GALNTL6: variants seen among roughly 807,000 people sequenced by gnomAD.
GALNTL6 encodes polypeptide N-acetylgalactosaminyltransferase-like 6.
A neutral mutation model predicts 73.7 loss-of-function variants in GALNTL6; 46 were observed. That is an observed-to-expected ratio of 0.62 (90% CI 0.49 to 0.80). GALNTL6 has a LOEUF of 0.80. Ranked by LOEUF, GALNTL6 falls within the 30% of genes least tolerant of loss-of-function variation. GALNTL6 has a pLI of 0.00. For synonymous variants in GALNTL6, 259 were observed against 263.7 expected (o/e 0.98, Z 0.17); for missense variants, 604 against 755.0 (o/e 0.80, Z 2.34).
intron 5 of GALNTL6, among the ~76,000 whole-genome samples, chr4:172,757,132 A>T (rs1171237159): frequency 1.3e-5 from 2 of 152,230 alleles, no homozygotes; most frequent in Non-Finnish European, 2.9e-5. Context: ...TTGATTAAGC[A>T]TCTGGTGTAT....
intron 2 of GALNTL6, among the ~76,000 whole-genome samples, chr4:172,106,967 G>T (rs540871988): frequency 2.6e-4 from 39 of 152,272 alleles, no homozygotes; most frequent in Non-Finnish European, 4.9e-4. Context: ...TTTGCCTCCC[G>T]GGTTCAAGCG....
intron 9 of GALNTL6, among the ~76,000 whole-genome samples, chr4:172,939,089 A>C (rs1748778483): frequency 1.3e-5 from 2 of 152,196 alleles, no homozygotes; most frequent in Non-Finnish European, 2.9e-5. Context: ...GGATCACTTG[A>C]GAACAGGCTG....
intron 5 of GALNTL6, among the ~76,000 whole-genome samples, chr4:172,737,248 G>T (rs1736526268): frequency 6.6e-6 from 1 of 152,018 alleles, no homozygotes; most frequent in South Asian, 2.1e-4. Flanking sequence ...ATAATTCTTA[G>T]ATTTGGTCTT....
At chr4:172,258,783 T>C (rs1479067064) in intron 3 of GALNTL6, among the ~76,000 whole-genome samples, 2 of 151,194 alleles carry the variant, frequency 1.3e-5, no homozygotes, top group East Asian at 3.9e-4. Context: ...ATGTCCATTA[T>C]ATCATTCTTA....
At chr4:172,380,279 C>A in intron 5 of GALNTL6, 1 of 790,074 alleles carries the variant, frequency 1.3e-6, no homozygotes, top group South Asian at 1.3e-5. Context: ...GGTCATAAAA[C>A]GCACTTTAGG....
At chr4:172,243,662 G>T (rs1207162427) in intron 3 of GALNTL6, among the ~76,000 whole-genome samples, 1 of 152,114 alleles carries the variant, frequency 6.6e-6, no homozygotes, top group Non-Finnish European at 1.5e-5. Context: ...TGCCGTAGAT[G>T]AACATTTAAA....
chr4:171,899,419 A>T (rs180725615), intron 2 of GALNTL6, among the ~76,000 whole-genome samples: 1 of 152,274 alleles, frequency 6.6e-6, no homozygotes, highest in African/African-American at 2.4e-5. Flanking sequence ...CTGAGTCTAG[A>T]AATAAAATTA....
intron 4 of GALNTL6, among the ~76,000 whole-genome samples, chr4:172,332,774 G>A (rs962122804): frequency 6.6e-6 from 1 of 152,110 alleles, no homozygotes. Flanking sequence ...GTGAGTCCAA[G>A]TATCTTTTTC....
chr4:173,024,075 T>G (rs1456041049), intron 12 of GALNTL6, among the ~76,000 whole-genome samples: 1 of 152,194 alleles, frequency 6.6e-6, no homozygotes, highest in Non-Finnish European at 1.5e-5. Context: ...AATGCAATTG[T>G]TTTTATTAGG....
chr4:172,045,763 T>TA lies in GALNTL6; in HGVS notation c.139-183881dup, dbSNP rs111559625. 3.6e-4 allele frequency among the ~76,000 whole-genome samples: 50 copies of TA among 139,528 alleles called. 1 individual carries two copies. The highest frequency in any genetic ancestry group is 1.0e-3 in the East Asian group (5 of 4,876). The allele number at this position is 139,528 out of a possible 152,430, so 91.5% of individuals were successfully genotyped here. A position where few individuals can be genotyped will look rare whatever the true frequency, so the allele number is the denominator to read the frequency against. On this transcript the variant is annotated intron_variant, in intron 2 of 12. Transcript: ENST00000506823. ...ATTATTGCACACTGTACAATAGAAC[T>TA]AAAAAAAAAAAAGAAAAAAGAAAAA...
chr4:172,392,789 G>A (rs188567964), intron 5 of GALNTL6, among the ~76,000 whole-genome samples: 14 of 152,288 alleles, frequency 9.2e-5, no homozygotes, highest in African/African-American at 3.4e-4. Flanking sequence ...TTTGAGAAGG[G>A]AAGCAAGTTC....
intron 2 of GALNTL6, among the ~76,000 whole-genome samples, chr4:172,064,822 A>G (rs1392199620): frequency 6.6e-6 from 1 of 152,180 alleles, no homozygotes; most frequent in Non-Finnish European, 1.5e-5. Flanking sequence ...AGGTGGTCCC[A>G]TCAGCATCTA....
intron 11 of GALNTL6, among the ~76,000 whole-genome samples, chr4:173,019,540 T>A (rs1434232848): frequency 6.6e-6 from 1 of 152,186 alleles, no homozygotes; most frequent in East Asian, 1.9e-4. Flanking sequence ...AATAGACATT[T>A]CCTTGAGAAG....
At chr4:172,700,899 T>C (rs1212388252) in intron 5 of GALNTL6, among the ~76,000 whole-genome samples, 1 of 152,130 alleles carries the variant, frequency 6.6e-6, no homozygotes, top group Non-Finnish European at 1.5e-5. Flanking sequence ...ATACTTCATT[T>C]TAACCGAAAA....
Position 172,555,390 on chromosome 4 carries a change from C to CT in GALNTL6, c.553+206702dup, listed in dbSNP as rs1736106492. Among the ~76,000 whole-genome samples, 3 of 152,008 alleles carry CT rather than the reference C, an allele frequency of 2.0e-5. No homozygotes were observed. The South Asian group carries it at 6.2e-4, about 32-fold the overall frequency. ...AATTACTCTAAGAACTTTACAGAAA[C>CT]TAAGTGGTTTAATTTTCATGAGACT... On this transcript the variant is annotated intron_variant, in intron 5 of 12. Coordinates refer to ENST00000506823, the MANE Select transcript of GALNTL6 (RefSeq NM_001034845.3).
chr4:172,246,285 A>G (rs942831087), intron 3 of GALNTL6, among the ~76,000 whole-genome samples: 10 of 152,136 alleles, frequency 6.6e-5, no homozygotes, highest in African/African-American at 2.4e-4. Flanking sequence ...GACTAGATTA[A>G]TTTAATAGAC....
intron 2 of GALNTL6, among the ~76,000 whole-genome samples, chr4:171,959,308 G>A (rs2111044281): frequency 6.6e-6 from 1 of 152,188 alleles, no homozygotes; most frequent in South Asian, 2.1e-4. Flanking sequence ...ATTAGGCAAT[G>A]TTCTCTTAGG....
chr4:171,844,926 A>C (rs1198795918), intron 2 of GALNTL6, among the ~76,000 whole-genome samples: 1 of 152,174 alleles, frequency 6.6e-6, no homozygotes, highest in Admixed American at 6.6e-5. Context: ...TCAAACAATC[A>C]GCATGAAATA....
intron 5 of GALNTL6, among the ~76,000 whole-genome samples, chr4:172,406,313 C>A (rs998189721): frequency 1.3e-5 from 2 of 151,918 alleles, no homozygotes; most frequent in African/African-American, 2.4e-5. Flanking sequence ...TGTGCCATTG[C>A]ACTGCACAGA....
Sources: allele counts gnomAD v4.1 joint callset (sites outside exome capture counted in the v4.1 genomes callset), GRCh38; gene constraint gnomAD v4.1.1; transcripts MANE v1.5; gene names NCBI Gene and HGNC (gene_info 2026-07-23, HGNC 2026-07-21).